The following AKAP9 variants were observed in gnomAD, a reference collection of about 807,000 sequenced individuals.
AKAP9 encodes A-kinase anchor protein 9.
A neutral mutation model predicts 488.5 loss-of-function variants in AKAP9; 311 were observed. The ratio of observed to expected loss-of-function variants is 0.64; its 90% CI spans 0.58 to 0.70. The LOEUF is 0.70. Among genes scored for constraint, AKAP9 ranks in the 30% least tolerant of loss-of-function variants. The pLI, the probability that AKAP9 is intolerant of heterozygous loss-of-function variation, is 0.00. For synonymous variants in AKAP9, 1,462 were observed against 1,483.5 expected, an observed-to-expected ratio of 0.99 and a Z score of 0.33; for missense variants, 4,215 against 4,374.5, an observed-to-expected ratio of 0.96 and a Z score of 1.03.
rs1554404361 is a variant in AKAP9 at position 92,001,675 on chromosome 7, A to G, written c.1758A>G (p.Glu586=). The G allele has an allele frequency of 1.2e-6, 2 of 1,612,626 alleles. No individual in the cohort carries two copies. The highest frequency in any genetic ancestry group is 1.3e-5 in the African/African-American group (1 of 74,930). ...VSASESRKEL[E]LKHEAEVTNY... is the part of the protein sequence containing the mutation. The stretch of plus-strand genomic sequence containing the variant: ...CATCTGAATCCAGAAAGGAACTAGA[A>G]TTAAAACATGAAGCAGAAGTTACAA... The change falls in exon 8 of 50, where the codon GAA becomes GAG. Residue 586 remains glutamate (E), a synonymous_variant. Transcript: ENST00000356239.
chr7:92,037,002 A>C (rs569942947), intron 16 of AKAP9, among the ~76,000 whole-genome samples: 4 of 152,262 alleles, frequency 2.6e-5, no homozygotes, highest in Non-Finnish European at 4.4e-5. Context: ...AATGGCATAT[A>C]ATGTTTAAGG....
At chr7:92,018,750 C>G (rs565026634) in intron 12 of AKAP9, among the ~76,000 whole-genome samples, 3 of 152,286 alleles carry the variant, frequency 2.0e-5, no homozygotes, top group South Asian at 4.1e-4. Flanking sequence ...TACCAGGGAT[C>G]TTTATTTGAT....
chr7:92,001,563 A>G lies in AKAP9; in HGVS notation c.1646A>G (p.Gln549Arg). ...AGGGAACAGATTCAGAGAGCTAGACAGACAATAGCTGAACAAGAAAGTAAA... is the reference window on the plus strand; with the variant it reads ...AGGGAACAGATTCAGAGAGCTAGACGGACAATAGCTGAACAAGAAAGTAAA... ...FSREQIQRAR[Q>R]TIAEQESKLN... The change falls in exon 8 of 50, where the codon CAG (glutamine) becomes CGG (arginine). Residue 549 changes from glutamine (Q) to arginine (R), a missense_variant. By Grantham distance (43) the Gln-to-Arg change is conservative. Around this residue, in one of 5 missense-constraint regions of AKAP9, gnomAD observed 2,361 missense variants for 2,430.0 expected, o/e 0.97. Coordinates refer to ENST00000356239, the MANE Select transcript of AKAP9 (RefSeq NM_005751.5). 6.2e-7 allele frequency: 1 copy of G among 1,613,862 alleles called. No homozygotes were observed. Among genetic ancestry groups the G allele is most frequent in the Non-Finnish European group, 8.5e-7 (1 of 1,179,816 alleles).
intron 1 of AKAP9, among the ~76,000 whole-genome samples, chr7:91,962,673 A>G (rs1207541020): frequency 1.3e-5 from 2 of 152,202 alleles, no homozygotes; most frequent in South Asian, 2.1e-4. Flanking sequence ...ATAATCAGTA[A>G]CATAGGCCTA....
intron 1 of AKAP9, among the ~76,000 whole-genome samples, chr7:91,941,882 T>TTTTGTGTGTG (rs140762728): frequency 6.8e-6 from 1 of 147,726 alleles, no homozygotes. Flanking sequence ...CGAATCCTGG[T>TTTTGTGTGTG]TGTGTGTGTG....
chr7:91,948,181 A>G (rs1361762508), intron 1 of AKAP9, among the ~76,000 whole-genome samples: 2 of 152,218 alleles, frequency 1.3e-5, no homozygotes, highest in African/African-American at 4.8e-5. Context: ...AATTTGTCCA[A>G]TGATAGGCAT....
In AKAP9 at chr7:92,079,572, A is replaced by G. The variant is rs1563103420; in HGVS notation, c.7439A>G (p.Gln2480Arg). 1.2e-6 allele frequency: 2 copies of G among 1,613,800 alleles called. No individual in the cohort carries two copies. Among genetic ancestry groups the G allele is most frequent in the East Asian group, 4.5e-5 (2 of 44,856 alleles). The change falls in exon 31 of 50, where the codon CAG (glutamine) becomes CGG (arginine). Residue 2480 changes from glutamine to arginine, a missense_variant. By Grantham distance (43) the Gln-to-Arg change is conservative (BLOSUM62 1). This residue lies in a region of AKAP9 where 1,476 missense variants were observed against 1,477.4 expected (regional missense o/e 1.00). Transcript: ENST00000356239. ...TEDALKSLENQTYFKSFEENG... is the reference protein window; with the variant it reads ...TEDALKSLENRTYFKSFEENG... Reference sequence around the variant, plus strand: ...GATGCTCTTAAATCCCTAGAAAATCAGACATACTTCAAATCTTTTGAAGAA... The same window carrying G: ...GATGCTCTTAAATCCCTAGAAAATCGGACATACTTCAAATCTTTTGAAGAA...
chr7:91,943,233 T>G (rs1435137166), intron 1 of AKAP9, among the ~76,000 whole-genome samples: 8 of 151,872 alleles, frequency 5.3e-5, no homozygotes, highest in Admixed American at 5.2e-4. Context: ...CCCCTGGAAA[T>G]AACTTTTAAA....
intron 1 of AKAP9, among the ~76,000 whole-genome samples, chr7:91,962,679 G>T (rs1175962133): frequency 1.6e-4 from 24 of 151,968 alleles, no homozygotes; most frequent in Non-Finnish European, 5.9e-5. Context: ...AGTAACATAG[G>T]CCTAAAACAA....
chr7:92,012,617 A>C lies in AKAP9; in HGVS notation c.3507A>C (p.Leu1169=). 1 of 1,612,088 alleles carries C rather than the reference A, an allele frequency of 6.2e-7. No homozygotes were observed. The highest frequency in any genetic ancestry group is 1.1e-5 in the South Asian group (1 of 90,928). The change falls in exon 9 of 50, where the codon CTA becomes CTC. Residue 1169 remains leucine (L), a synonymous_variant. Transcript: ENST00000356239. ...TTCAGAAAATACACCAGTTAGAACT[A>C]CAGACTATGAAAACACAAGAAACAG... ...KELQKIHQLE[L]QTMKTQETGD...
chr7:92,025,705 T>C (rs1301756962), intron 14 of AKAP9, among the ~76,000 whole-genome samples: 1 of 152,334 alleles, frequency 6.6e-6, no homozygotes, highest in South Asian at 2.1e-4. Flanking sequence ...TATATGATCT[T>C]GGACAGATTA....
intron 1 of AKAP9, among the ~76,000 whole-genome samples, chr7:91,944,435 G>A (rs10266060): frequency 0.73 from 110,306 of 151,042 alleles, 41,651 homozygotes; most frequent in African/African-American, 0.93. Context: ...CTCCCAGGCT[G>A]GAGTGCAGTG....
chr7:91,997,521 C>G (rs773364588), intron 7 of AKAP9, among the ~76,000 whole-genome samples: 9 of 152,140 alleles, frequency 5.9e-5, no homozygotes, highest in South Asian at 2.1e-4. Context: ...AGGATCTCAA[C>G]TGATAGAAAT....
intron 47 of AKAP9, 33 bp downstream of exon 47, chr7:92,105,796 A>T (rs571816612): frequency 6.4e-7 from 1 of 1,567,780 alleles, no homozygotes; most frequent in South Asian, 1.1e-5. Context: ...TCTTATGTTT[A>T]TGACTCTCTA....
chr7:92,016,512 C>T (rs543657975), intron 11 of AKAP9, among the ~76,000 whole-genome samples: 1 of 152,116 alleles, frequency 6.6e-6, no homozygotes, highest in African/African-American at 2.4e-5. Context: ...CTCTCTACTC[C>T]TATCTTTTTC....
chr7:92,012,751 GT>G, intron 9 of AKAP9, 109 bp downstream of exon 9: 1 of 884,776 alleles, frequency 1.1e-6, no homozygotes, highest in Non-Finnish European at 1.8e-6. Flanking sequence ...AAGGTGATTT[GT>G]TTACCAGTTG....
At chr7:92,083,111 A>G in intron 32 of AKAP9, 59 bp from the exon 33 acceptor site, 1 of 1,575,254 alleles carries the variant, frequency 6.3e-7, no homozygotes, top group Non-Finnish European at 8.7e-7. Context: ...TTTAAATTCT[A>G]CATTTAATAT....
At chr7:92,091,027 G>A (rs774988832) in intron 38 of AKAP9, among the ~76,000 whole-genome samples, 3 of 152,024 alleles carry the variant, frequency 2.0e-5, no homozygotes, top group African/African-American at 7.2e-5. Context: ...GTTCCTGAAG[G>A]GTTTAGTCCT....
rs766184161 is a variant in AKAP9, at chr7:92,096,960, A to G, written c.10001A>G (p.Gln3334Arg). 6 of 1,614,194 alleles carry G rather than the reference A, an allele frequency of 3.7e-6. No homozygotes were observed. Among genetic ancestry groups the G allele is most frequent in the African/African-American group, 1.3e-5 (1 of 75,070 alleles). Reference protein sequence around the residue: ...AQLQSSDGTGQSRPPLPSEDL... With the variant: ...AQLQSSDGTGRSRPPLPSEDL... Reference sequence around the variant, plus strand: ...CTGCAGAGCAGTGATGGTACTGGACAGTCTCGGCCACCCTTGCCCTCAGAG... The same window carrying G: ...CTGCAGAGCAGTGATGGTACTGGACGGTCTCGGCCACCCTTGCCCTCAGAG... Residue 3334 changes from glutamine (Q) to arginine (R), a missense_variant, in exon 41 of 50, where the codon CAG becomes CGG. By Grantham distance (43) the Gln-to-Arg change is conservative (BLOSUM62 1). Coordinates refer to ENST00000356239, the MANE Select transcript of AKAP9 (RefSeq NM_005751.5).
Sources: allele counts gnomAD v4.1 joint callset (sites outside exome capture counted in the v4.1 genomes callset), GRCh38; gene constraint gnomAD v4.1.1; regional missense constraint gnomAD v4.1.1; transcripts MANE v1.5; gene names NCBI Gene and HGNC (gene_info 2026-07-23, HGNC 2026-07-21).